Variants in RPS6KA1 observed in about 807,000 individuals in gnomAD.
The protein encoded by RPS6KA1 is ribosomal protein S6 kinase A1, also known as ribosomal protein S6 kinase alpha-1.
A neutral mutation model predicts 91.3 loss-of-function variants in RPS6KA1; 48 were observed. The ratio of observed to expected loss-of-function variants is 0.53; its 90% CI spans 0.42 to 0.67. RPS6KA1 has a LOEUF of 0.67. RPS6KA1 is among the 30% of genes least tolerant of loss of function. The pLI is 0.00. For missense variants in RPS6KA1, 719 were observed against 960.5 expected (o/e 0.75, Z 3.32); for synonymous variants, 359 against 384.7 (o/e 0.93, Z 0.78).
intron 17 of RPS6KA1, among the ~76,000 whole-genome samples, chr1:26,566,872 T>C (rs1424468758): frequency 6.6e-6 from 1 of 152,214 alleles, no homozygotes; most frequent in Non-Finnish European, 1.5e-5. Context: ...TAGAACAACT[T>C]CGCCTCTTTT....
intron 21 of RPS6KA1, 152 bp from the exon 22 acceptor site, chr1:26,573,927 G>A (rs1455864184): frequency 9.9e-6 from 8 of 810,958 alleles, no homozygotes; most frequent in South Asian, 5.6e-5. Flanking sequence ...GACAGAGTGA[G>A]ACTGTATCTC....
In RPS6KA1 at chr1:26,545,970, C is replaced by T. The variant is rs774987391; in HGVS notation, c.109-897C>T. 2 of 1,606,710 alleles carry T rather than the reference C, an allele frequency of 1.2e-6. No homozygotes were observed. Among genetic ancestry groups the T allele is most frequent in the Non-Finnish European group, 1.7e-6 (2 of 1,177,560 alleles). On this transcript the variant is annotated intron_variant, in intron 2 of 21. Coordinates refer to ENST00000374168, the MANE Select transcript of RPS6KA1 (RefSeq NM_002953.4). Reference sequence around the variant, plus strand: ...GATCCCCTGGCTTCCCAGGAAGCAGCGGCCCAGGATCAGCCAGACCTCTCT... The same window carrying T: ...GATCCCCTGGCTTCCCAGGAAGCAGTGGCCCAGGATCAGCCAGACCTCTCT...
intron 2 of RPS6KA1, among the ~76,000 whole-genome samples, chr1:26,539,724 C>T (rs1364527656): frequency 1.3e-5 from 2 of 152,158 alleles, no homozygotes; most frequent in Non-Finnish European, 1.5e-5. Context: ...GGATAGCCAT[C>T]CAGGGTGAGA....
At chr1:26,559,044 G>C in intron 14 of RPS6KA1, 107 bp downstream of exon 14, 12 of 1,329,564 alleles carry the variant, frequency 9.0e-6, no homozygotes, top group Non-Finnish European at 1.2e-5. Context: ...TGCCACTGTG[G>C]GACCAGTAGG....
At chr1:26,535,663 G>C (rs1014781903) in intron 1 of RPS6KA1, among the ~76,000 whole-genome samples, 1 of 152,156 alleles carries the variant, frequency 6.6e-6, no homozygotes, top group Non-Finnish European at 1.5e-5. Flanking sequence ...ACTGACCAGA[G>C]GGGGGCTCTG....
intron 14 of RPS6KA1, among the ~76,000 whole-genome samples, chr1:26,559,947 C>G (rs1412196077): frequency 6.6e-6 from 1 of 152,194 alleles, no homozygotes; most frequent in African/African-American, 2.4e-5. Context: ...CAAAAATCAG[C>G]TGGGCGTGTT....
chr1:26,547,240 A>G lies in RPS6KA1; in HGVS notation c.277A>G (p.Met93Val), dbSNP rs1306636477. ...GCCTGACAGTGGGCACCTGTATGCT[A>G]TGAAGGTGCTGAAGAAGGCAACGCT... ...TRPDSGHLYAMKVLKKATLKV... is the reference protein window; with the variant it reads ...TRPDSGHLYAVKVLKKATLKV... The change falls in exon 4 of 22, where the codon ATG becomes GTG. Residue 93 changes from methionine (M) to valine (V), a missense_variant. Coordinates refer to ENST00000374168, the MANE Select transcript of RPS6KA1 (RefSeq NM_002953.4). This position sits in a 1 kb window ranked among gnomAD's most constrained non-coding sequence, Gnocchi z 4.1. 1 of 1,614,020 alleles carries G rather than the reference A, an allele frequency of 6.2e-7. No individual in the cohort carries two copies. The highest frequency in any genetic ancestry group is 1.7e-5 in the Admixed American group (1 of 60,010).
chr1:26,564,697 T>C (rs898785156), intron 17 of RPS6KA1, among the ~76,000 whole-genome samples: 1 of 152,150 alleles, frequency 6.6e-6, no homozygotes, highest in Non-Finnish European at 1.5e-5. Flanking sequence ...CGATGCCTGA[T>C]TATGTCTAAT....
chr1:26,559,971 A>T (rs948257536), intron 14 of RPS6KA1, among the ~76,000 whole-genome samples: 1 of 152,216 alleles, frequency 6.6e-6, no homozygotes, highest in Non-Finnish European at 1.5e-5. Flanking sequence ...GCGTGCCTAT[A>T]GTCCCAGCTA....
intron 4 of RPS6KA1, among the ~76,000 whole-genome samples, chr1:26,550,737 C>A (rs1162381694): frequency 6.6e-6 from 1 of 152,182 alleles, no homozygotes; most frequent in Non-Finnish European, 1.5e-5. Flanking sequence ...AGCACAAGCA[C>A]TGTAGGAATC....
In RPS6KA1 at chr1:26,540,914, C is replaced by T. The variant is rs567870973; in HGVS notation, c.108+3945C>T. Among the ~76,000 whole-genome samples, 6 of 152,288 alleles carry T rather than the reference C, an allele frequency of 3.9e-5. No homozygotes were observed. The highest frequency in any genetic ancestry group is 3.3e-4 in the Admixed American group (5 of 15,300). ...CAAGCGATTCTCCTGCCTCAGCCTC[C>T]GTAGTAGCTGGGATTGCAGGCATAT... On this transcript the variant is annotated intron_variant, in intron 2 of 21. Transcript: ENST00000374168. This position sits in a 1 kb window ranked among gnomAD's most constrained non-coding sequence, Gnocchi z 4.2.
In RPS6KA1 at chr1:26,555,089, AG is replaced by A; in HGVS notation, c.757-60del. ...ACTGGGGCAGAGGGGTCTGACTGGG[AG>A]GAGGCGGGAGGTGTGTCGGAGACAG... On this transcript the variant is annotated intron_variant, in intron 9 of 21. Transcript: ENST00000374168. This position sits in a 1 kb window ranked among gnomAD's most constrained non-coding sequence, Gnocchi z 4.3. 6.6e-7 allele frequency: 1 copy of A among 1,509,652 alleles called. No individual in the cohort carries two copies. The allele number at this position is 1,509,652 out of a possible 1,614,324, so 93.5% of individuals were successfully genotyped here. A position where few individuals can be genotyped will look rare whatever the true frequency, so the allele number is the denominator to read the frequency against.
At position 26,530,262 on chromosome 1, in the gene RPS6KA1, G is replaced by A. The variant is rs1570413087; in HGVS notation, c.63+279G>A. On this transcript the variant is annotated intron_variant, in intron 1 of 21. Coordinates refer to ENST00000374168, the MANE Select transcript of RPS6KA1 (RefSeq NM_002953.4). ...CGCCTTCACCCCACACCTAGGACCC[G>A]TCCCGGCATCTGTCCAGAGCTGTCG... Among the ~76,000 whole-genome samples the A allele has an allele frequency of 2.0e-5, 3 of 152,212 alleles. 1 individual carries two copies. In the South Asian group the frequency reaches 6.2e-4, roughly 31 times the overall value.
At chr1:26,539,031 T>G (rs566314050) in intron 2 of RPS6KA1, among the ~76,000 whole-genome samples, 1 of 152,262 alleles carries the variant, frequency 6.6e-6, no homozygotes, top group South Asian at 2.1e-4. Flanking sequence ...TCGAGAAGCT[T>G]CCAATCTTTG....
chr1:26,573,273 C>T lies in RPS6KA1; in HGVS notation c.1997C>T (p.Ala666Val). The T allele has an allele frequency of 1.9e-6, 3 of 1,614,206 alleles. No individual in the cohort carries two copies. The highest frequency in any genetic ancestry group is 2.5e-6 in the Non-Finnish European group (3 of 1,180,018). The change falls in exon 21 of 22, where the codon GCT becomes GTT. Residue 666 changes from alanine (A) to valine (V), a missense_variant. Ala to Val is a moderately conservative substitution (Grantham distance 64). Transcript: ENST00000374168. ...LHVDPHQRLT[A>V]KQVLQHPWVT... is the part of the protein sequence containing the mutation. Reference sequence around the variant, plus strand: ...GTGGATCCCCACCAGCGCCTCACAGCTAAGCAGGTTCTGCAGCATCCATGG... The same window carrying T: ...GTGGATCCCCACCAGCGCCTCACAGTTAAGCAGGTTCTGCAGCATCCATGG...
At position 26,529,867 on chromosome 1, in the gene RPS6KA1, G is replaced by C. The variant is rs1298770773; in HGVS notation, c.-54G>C. On this transcript the variant is annotated 5_prime_UTR_variant, in exon 1 of 22. Transcript: ENST00000374168. This position sits in a 1 kb window ranked among gnomAD's most constrained non-coding sequence, Gnocchi z 4.2. ...CAGAGCCAGGGACCCCAGGACCCGG[G>C]AGGCGGCGCAGCCGGGGCCGCCGGA... 8.0e-6 allele frequency: 11 copies of C among 1,367,196 alleles called. No individual in the cohort carries two copies. The highest frequency in any genetic ancestry group is 1.0e-5 in the Non-Finnish European group (11 of 1,048,960). The allele number at this position is 1,367,196 out of a possible 1,614,324, so 84.7% of individuals were successfully genotyped here.
chr1:26,538,961 A>G (rs561977496), intron 2 of RPS6KA1, among the ~76,000 whole-genome samples: 1 of 152,322 alleles, frequency 6.6e-6, no homozygotes, highest in Non-Finnish European at 1.5e-5. Context: ...TCCTAATCAG[A>G]CATTCGGTGC....
chr1:26,568,565 A>G (rs1180897645), intron 17 of RPS6KA1, among the ~76,000 whole-genome samples: 3 of 151,904 alleles, frequency 2.0e-5, no homozygotes, highest in African/African-American at 7.3e-5. Context: ...CCTGGCCAAC[A>G]TGATGAAACC....
In RPS6KA1 at chr1:26,554,628, G is replaced by A. The variant is rs952329099; in HGVS notation, c.646G>A (p.Glu216Lys). Residue 216 changes from glutamate (E) to lysine (K), a missense_variant, in exon 9 of 22, where the codon GAG becomes AAG. Glu to Lys is a moderately conservative substitution (Grantham distance 56). Transcript: ENST00000374168. The surrounding 1 kb of genome is among the most constrained non-coding windows in gnomAD (Gnocchi z 4.6). ...CCTGAGCAAAGAGGCCATTGACCAC[G>A]AGAAGAAGGCCTATTCTTTCTGCGG... is the stretch of plus-strand genomic sequence containing the variant. ...FGLSKEAIDH[E>K]KKAYSFCGTV... 1.2e-6 allele frequency: 2 copies of A among 1,613,588 alleles called. No individual in the cohort carries two copies. Among genetic ancestry groups the A allele is most frequent in the South Asian group, 1.1e-5 (1 of 91,070 alleles).
Sources: allele counts gnomAD v4.1 joint callset (sites outside exome capture counted in the v4.1 genomes callset), GRCh38; gene constraint gnomAD v4.1.1; non-coding constraint Gnocchi (gnomAD v3.1); transcripts MANE v1.5; gene names NCBI Gene and HGNC (gene_info 2026-07-23, HGNC 2026-07-21).